Variants in ERBB4 observed in about 807,000 individuals in gnomAD.
ERBB4 encodes the protein receptor tyrosine-protein kinase erbB-4.
A neutral mutation model predicts 158.0 loss-of-function variants in ERBB4; 42 were observed. The observed-to-expected ratio is 0.27, with a 90% CI of 0.21 to 0.34. The LOEUF (loss-of-function observed/expected upper bound fraction) is 0.34. Ranked by LOEUF, ERBB4 falls within the 10% of genes least tolerant of loss-of-function variation. The pLI is 1.00. For missense variants in ERBB4, 1,333 were observed against 1,624.1 expected (o/e 0.82, Z 3.08); for synonymous variants, 583 against 558.7 (o/e 1.04, Z -0.61).
chr2:211,512,875 A>G (rs1042524965), intron 20 of ERBB4, among the ~76,000 whole-genome samples: 5 of 152,158 alleles, frequency 3.3e-5, no homozygotes, highest in Non-Finnish European at 7.3e-5. Flanking sequence ...CCATTGCCAT[A>G]GTTACCTCAC....
At chr2:211,766,591 T>C (rs2075554458) in intron 4 of ERBB4, among the ~76,000 whole-genome samples, 1 of 152,248 alleles carries the variant, frequency 6.6e-6, no homozygotes, top group African/African-American at 2.4e-5. Context: ...CCTTAAGTTC[T>C]ATTTAATTGT....
At chr2:212,529,637 T>C (rs1026174592) in intron 1 of ERBB4, among the ~76,000 whole-genome samples, 4 of 152,182 alleles carry the variant, frequency 2.6e-5, no homozygotes, top group Non-Finnish European at 4.4e-5. Flanking sequence ...TATTCATTCA[T>C]GTAAAAAAAA....
At chr2:212,475,316 T>G (rs187833196) in intron 1 of ERBB4, among the ~76,000 whole-genome samples, 2 of 152,260 alleles carry the variant, frequency 1.3e-5, no homozygotes. Flanking sequence ...AGCTCTGCAT[T>G]TTCTTGCACG....
intron 4 of ERBB4, chr2:211,777,651 A>G (rs749099668): frequency 6.6e-6 from 1 of 152,128 alleles, no homozygotes; most frequent in African/African-American, 2.4e-5. Flanking sequence ...TAGCCTTGTC[A>G]CCCCAACCAT....
chr2:211,849,658 C>A (rs1202088554), intron 3 of ERBB4, among the ~76,000 whole-genome samples: 1 of 151,822 alleles, frequency 6.6e-6, no homozygotes, highest in Non-Finnish European at 1.5e-5. Context: ...ATTTTTCTTT[C>A]TTTTAAGGCA....
At chr2:212,195,348 T>C (rs915126219) in intron 1 of ERBB4, among the ~76,000 whole-genome samples, 3 of 151,978 alleles carry the variant, frequency 2.0e-5, no homozygotes, top group African/African-American at 7.2e-5. Flanking sequence ...ATCAAACAAA[T>C]AAATATGCTC....
chr2:212,077,045 A>T (rs555464785), intron 2 of ERBB4, among the ~76,000 whole-genome samples: 1 of 152,190 alleles, frequency 6.6e-6, no homozygotes, highest in South Asian at 2.1e-4. Flanking sequence ...ATAAAAACGT[A>T]TACAACCTAA....
At chr2:212,007,156 A>T (rs2076278186) in intron 2 of ERBB4, among the ~76,000 whole-genome samples, 1 of 151,940 alleles carries the variant, frequency 6.6e-6, no homozygotes, top group African/African-American at 2.4e-5. Context: ...AATCTTCAAA[A>T]CCTTCAATGA....
intron 24 of ERBB4, 75 bp from the exon 25 acceptor site, chr2:211,420,686 T>C: frequency 7.9e-7 from 1 of 1,269,966 alleles, no homozygotes; most frequent in Non-Finnish European, 1.1e-6. Context: ...GCAATAAATT[T>C]ATGTAATATC....
At chr2:212,063,769 C>T (rs1206099021) in intron 2 of ERBB4, among the ~76,000 whole-genome samples, 6 of 152,072 alleles carry the variant, frequency 3.9e-5, no homozygotes, top group South Asian at 2.1e-4. Context: ...AAATCGTATG[C>T]GTTTCTCTCA....
At chr2:211,673,930 T>A (rs905552718) in intron 13 of ERBB4, among the ~76,000 whole-genome samples, 3 of 152,272 alleles carry the variant, frequency 2.0e-5, no homozygotes, top group African/African-American at 7.2e-5. Flanking sequence ...AGACACAGTT[T>A]AATGGTAACA....
intron 2 of ERBB4, among the ~76,000 whole-genome samples, chr2:212,065,933 T>C (rs1267923256): frequency 2.6e-5 from 4 of 152,046 alleles, no homozygotes; most frequent in Non-Finnish European, 5.9e-5. Context: ...CGGAATTATT[T>C]AATAAGTAGT....
intron 1 of ERBB4, among the ~76,000 whole-genome samples, chr2:212,427,464 T>C (rs1250080719): frequency 6.6e-6 from 1 of 152,116 alleles, no homozygotes; most frequent in Non-Finnish European, 1.5e-5. Context: ...CAAACTTATT[T>C]TGGGTTCCCT....
intron 1 of ERBB4, among the ~76,000 whole-genome samples, chr2:212,442,776 C>CT (rs1243781065): frequency 2.0e-5 from 3 of 152,080 alleles, no homozygotes; most frequent in Non-Finnish European, 2.9e-5. Context: ...CCAAATGGAA[C>CT]CCATTAGAGC....
intron 3 of ERBB4, among the ~76,000 whole-genome samples, chr2:211,941,873 A>C (rs2080508942): frequency 6.6e-6 from 1 of 152,254 alleles, no homozygotes; most frequent in Non-Finnish European, 1.5e-5. Flanking sequence ...AAGAACACTA[A>C]GATTTCTAAA....
At chr2:211,644,664 A>G (rs886531321) in intron 16 of ERBB4, among the ~76,000 whole-genome samples, 3 of 152,162 alleles carry the variant, frequency 2.0e-5, no homozygotes, top group African/African-American at 7.2e-5. Context: ...AAAATTGTGT[A>G]TACTATTAAC....
rs78387635 is a variant in ERBB4 at position 211,789,724 on chromosome 2, C to T, written c.422-1565G>A. Among the ~76,000 whole-genome samples, 893 of 152,122 alleles carry T rather than the reference C, an allele frequency of 5.9e-3. 10 individuals carry two copies. The highest frequency in any genetic ancestry group is 0.02 in the African/African-American group (847 of 41,518). On this transcript the variant is annotated intron_variant, in intron 3 of 27. Coordinates refer to ENST00000342788, the MANE Select transcript of ERBB4 (RefSeq NM_005235.3). ...CAACCGACACCATCTCCCACGGTAG[C>T]CTTGAGAAATTCATCTCTCTTGTGT... is the stretch of plus-strand genomic sequence containing the variant.
rs1208487286 is a variant in ERBB4, at chr2:211,380,873, C to CATTT, written c.*2738_*2741dup. 8.6e-6 allele frequency: 2 copies of CATTT among 231,810 alleles called. No individual in the cohort carries two copies. Among genetic ancestry groups the CATTT allele is most frequent in the African/African-American group, 4.4e-5 (2 of 45,346 alleles). 14.4% of individuals were successfully genotyped at this position (231,810 alleles called of 1,614,324 possible). A position where few individuals can be genotyped will look rare whatever the true frequency, so the allele number is the denominator to read the frequency against. On this transcript the variant is annotated 3_prime_UTR_variant, in exon 28 of 28. Coordinates refer to ENST00000342788, the MANE Select transcript of ERBB4 (RefSeq NM_005235.3). ...CAGTTAAAAGTTTGTTTTAACTATT[C>CATTT]ATTTTTTCCTTCTCCAAAATGAGTG...
intron 1 of ERBB4, among the ~76,000 whole-genome samples, chr2:212,213,663 C>T (rs186594343): frequency 6.6e-6 from 1 of 151,942 alleles, no homozygotes; most frequent in East Asian, 1.9e-4. Flanking sequence ...TAAATGCACT[C>T]ATTCAATTTC....
Sources: gnomAD v4.1 joint callset for allele counts (sites outside exome capture counted in the v4.1 genomes callset) on GRCh38, gnomAD v4.1.1 for gene constraint, MANE v1.5 for transcripts, NCBI Gene and HGNC (gene_info 2026-07-23, HGNC 2026-07-21) for gene names.